SLC22A16: variants seen among roughly 807,000 people sequenced by gnomAD.
SLC22A16 encodes the protein WUGSC:RG331P03.1.
Under a neutral mutation model 52.9 loss-of-function variants are expected in SLC22A16, and 53 were observed. The observed-to-expected ratio is 1.00, with a 90% CI of 0.80 to 1.26. The LOEUF (loss-of-function observed/expected upper bound fraction) is 1.26, where lower values mean the gene tolerates loss of function less well. SLC22A16 is among the 50% of genes most tolerant of loss of function. The probability of loss-of-function intolerance (pLI) is 0.00; values close to 1 mark genes in which losing one functional copy is unlikely to be tolerated. For missense variants in SLC22A16, 726 were observed against 704.0 expected, an observed-to-expected ratio of 1.03 and a Z score of -0.35; for synonymous variants, 291 against 268.8, an observed-to-expected ratio of 1.08 and a Z score of -0.81.
intron 1 of SLC22A16, chr6:110,476,297 G>T: frequency 7.5e-7 from 1 of 1,336,502 alleles, no homozygotes; most frequent in Non-Finnish European, 9.7e-7. Flanking sequence ...CTCCGAGCGA[G>T]CCCAGCGCCT....
chr6:110,475,982 T>G (rs1776455672), intron 1 of SLC22A16: 1 of 456,194 alleles, frequency 2.2e-6, no homozygotes. Flanking sequence ...AAGAACTATG[T>G]GTAAGCGCCA....
chr6:110,442,427 C>G lies in SLC22A16; in HGVS notation c.1000G>C (p.Val334Leu). 1 of 1,614,234 alleles carries G rather than the reference C, an allele frequency of 6.2e-7. No homozygotes were observed. The highest frequency in any genetic ancestry group is 1.6e-4 in the Middle Eastern group (1 of 6,062). Residue 334 changes from valine (V) to leucine (L), a missense_variant, in exon 4 of 8, where the codon GTT becomes CTT. Transcript: ENST00000368919. ...ELLSLDLQGP[V>L]SNSPTEVQKH... ...TGAACTTCAGTGGGGCTATTACTAACAGGACCTTGTAGGTCCAGTGATAAA... is the reference window on the plus strand; with the variant it reads ...TGAACTTCAGTGGGGCTATTACTAAGAGGACCTTGTAGGTCCAGTGATAAA...
rs111561813 is a variant in SLC22A16, at chr6:110,431,072, T to C, written c.1521+99A>G. 145 of 975,352 alleles carry C rather than the reference T, an allele frequency of 1.5e-4. 1 individual carries two copies. The East Asian group carries it at 3.1e-3, about 21-fold the overall frequency. 60.4% of individuals were successfully genotyped at this position (975,352 alleles called of 1,614,324 possible). On this transcript the variant is annotated intron_variant, in intron 7 of 7. Transcript: ENST00000368919. Reference sequence around the variant, plus strand: ...TTCTACAAACCCCATTAGGAAATGATGTACTGGCTTTCAGTAAATAACAAT... The same window carrying C: ...TTCTACAAACCCCATTAGGAAATGACGTACTGGCTTTCAGTAAATAACAAT...
intron 1 of SLC22A16, among the ~76,000 whole-genome samples, chr6:110,472,687 ACT>A (rs1300167266): frequency 6.6e-6 from 1 of 151,808 alleles, no homozygotes; most frequent in Admixed American, 6.6e-5. Context: ...CTAACACATC[ACT>A]CTCTCTTTTA....
chr6:110,430,813 G>A (rs1011759847), intron 7 of SLC22A16, among the ~76,000 whole-genome samples: 1 of 152,238 alleles, frequency 6.6e-6, no homozygotes, highest in Non-Finnish European at 1.5e-5. Flanking sequence ...GGCACTCAGT[G>A]GGAACACAGA....
intron 6 of SLC22A16, among the ~76,000 whole-genome samples, chr6:110,435,279 G>A (rs71562226): frequency 0.072 from 11,021 of 152,198 alleles, 432 homozygotes; most frequent in Middle Eastern, 0.14. Flanking sequence ...GGGTGAGGCC[G>A]TAATCCAATA....
In SLC22A16 at chr6:110,442,668, T is replaced by C. The variant is rs1775021144; in HGVS notation, c.759A>G (p.Gly253=). 1 of 1,613,988 alleles carries C rather than the reference T, an allele frequency of 6.2e-7. No homozygotes were observed. ...ATCCTGTCAAAGCCACCAGCAGGGT[T>C]CCAACTGCAAAAAAGGAATGCAAAT... ...SVHLHSFFAV[G]TLLVALTGYL... The change falls in exon 4 of 8, where the codon GGA becomes GGG. Residue 253 remains glycine (G), a synonymous_variant. Transcript: ENST00000368919.
chr6:110,428,766 A>T (rs1316269414), intron 7 of SLC22A16, among the ~76,000 whole-genome samples: 1 of 152,114 alleles, frequency 6.6e-6, no homozygotes, highest in Non-Finnish European at 1.5e-5. Context: ...AAAATATTTT[A>T]AAAATTAGCC....
intron 2 of SLC22A16, among the ~76,000 whole-genome samples, chr6:110,451,727 T>C (rs1485314305): frequency 6.6e-6 from 1 of 152,238 alleles, no homozygotes; most frequent in African/African-American, 2.4e-5. Flanking sequence ...ATGTCTTTCC[T>C]CTTTTAATGG....
intron 1 of SLC22A16, chr6:110,474,822 C>T (rs1245224827): frequency 6.6e-6 from 3 of 456,352 alleles, no homozygotes; most frequent in Non-Finnish European, 1.3e-5. Context: ...GCATAAACTT[C>T]CATTTGAGGA....
Position 110,456,665 on chromosome 6 carries a change from A to G in SLC22A16, c.406T>C (p.Trp136Arg). Residue 136 changes from tryptophan to arginine, a missense_variant, in exon 2 of 8, where the codon TGG (tryptophan) becomes CGG (arginine). Trp to Arg is a moderately radical substitution (Grantham distance 101). Transcript: ENST00000368919. ...CACTGGGTCACCGCAGTGCTTTTCC[A>G]TGTGTTCTGGTCATATATGTAGCCA... ...VDGYIYDQNT[W>R]KSTAVTQWNL... 1 of 1,614,134 alleles carries G rather than the reference A, an allele frequency of 6.2e-7. No individual in the cohort carries two copies. The highest frequency in any genetic ancestry group is 8.5e-7 in the Non-Finnish European group (1 of 1,180,028).
intron 1 of SLC22A16, among the ~76,000 whole-genome samples, chr6:110,472,208 G>A: frequency 6.6e-6 from 1 of 152,122 alleles, no homozygotes; most frequent in Non-Finnish European, 1.5e-5. Context: ...GCTAGGAGGG[G>A]CATGTGGTCC....
At chr6:110,473,287 T>C (rs186197039) in intron 1 of SLC22A16, among the ~76,000 whole-genome samples, 1 of 152,226 alleles carries the variant, frequency 6.6e-6, no homozygotes, top group African/African-American at 2.4e-5. Context: ...ATTCCAACTC[T>C]AAACTTTTAA....
intron 1 of SLC22A16, among the ~76,000 whole-genome samples, chr6:110,468,790 C>T (rs1048368083): frequency 1.3e-5 from 2 of 152,080 alleles, no homozygotes. Context: ...CTCAAAAGAC[C>T]CCACAGGCTA....
At chr6:110,476,479 G>A (rs1341207014) in intron 1 of SLC22A16, 43 bp downstream of exon 1, 6 of 1,472,662 alleles carry the variant, frequency 4.1e-6, no homozygotes, top group East Asian at 2.7e-5. Flanking sequence ...CAGACCCCTC[G>A]GCGCCGCCTC....
chr6:110,428,378 C>T (rs149403646), intron 7 of SLC22A16, among the ~76,000 whole-genome samples: 1 of 152,176 alleles, frequency 6.6e-6, no homozygotes, highest in Admixed American at 6.5e-5. Flanking sequence ...ATGGGCCACT[C>T]AGGGACAGGC....
intron 2 of SLC22A16, among the ~76,000 whole-genome samples, chr6:110,452,034 T>C (rs1392571498): frequency 1.3e-5 from 2 of 152,236 alleles, no homozygotes; most frequent in African/African-American, 4.8e-5. Context: ...TTCCTGCTAA[T>C]ATAAAATGCC....
chr6:110,476,244 C>T, intron 1 of SLC22A16: 2 of 910,510 alleles, frequency 2.2e-6, no homozygotes, highest in Non-Finnish European at 3.1e-6. Flanking sequence ...TCTGCTGCCG[C>T]GGAGAGCACG....
rs777325992 is a variant in SLC22A16 at position 110,438,758 on chromosome 6, T to C, written c.1273A>G (p.Ser425Gly). 1 of 1,614,060 alleles carries C rather than the reference T, an allele frequency of 6.2e-7. No homozygotes were observed. Among genetic ancestry groups the C allele is most frequent in the Non-Finnish European group, 8.5e-7 (1 of 1,179,970 alleles). The change falls in exon 5 of 8, where the codon AGT becomes GGT. Residue 425 changes from serine to glycine, a missense_variant. By Grantham distance (56) the Ser-to-Gly change is moderately conservative (BLOSUM62 0). Coordinates refer to ENST00000368919, the MANE Select transcript of SLC22A16 (RefSeq NM_033125.4). ...RTVLAYSLFC[S>G]ALACGVVMVI... Reference sequence around the variant, plus strand: ...ATAACGACACCACAGGCCAGTGCACTGCAGAAAAGAGAGTAGGCCAGGACT... The same window carrying C: ...ATAACGACACCACAGGCCAGTGCACCGCAGAAAAGAGAGTAGGCCAGGACT...
Sources: gnomAD v4.1 joint callset for allele counts (sites outside exome capture counted in the v4.1 genomes callset) on GRCh38, gnomAD v4.1.1 for gene constraint, MANE v1.5 for transcripts, NCBI Gene and HGNC (gene_info 2026-07-23, HGNC 2026-07-21) for gene names.